The following EMSY variants were observed in gnomAD, a reference collection of about 807,000 sequenced individuals.
The protein encoded by EMSY is EMSY transcriptional repressor, BRCA2 interacting, also known as BRCA2-interacting transcriptional repressor EMSY.
A neutral mutation model predicts 134.6 loss-of-function variants in EMSY; 26 were observed. The observed-to-expected ratio is 0.19, with a 90% CI of 0.14 to 0.27. The LOEUF (loss-of-function observed/expected upper bound fraction) is 0.27, where lower values mean the gene tolerates loss of function less well. Among genes scored for constraint, EMSY ranks in the 10% least tolerant of loss-of-function variants. The pLI, the probability that EMSY is intolerant of heterozygous loss-of-function variation, is 1.00. For missense variants in EMSY, 1,305 were observed against 1,611.4 expected (o/e 0.81, Z 3.26); for synonymous variants, 579 against 577.8 (o/e 1.00, Z -0.03).
At chr11:76,471,392 T>C (rs757010000) in intron 7 of EMSY, among the ~76,000 whole-genome samples, 2 of 152,182 alleles carry the variant, frequency 1.3e-5, no homozygotes, top group Non-Finnish European at 2.9e-5. Flanking sequence ...TACATTGTTA[T>C]AGCTAATAAA....
chr11:76,521,909 T>TA (rs1326867938), intron 11 of EMSY, among the ~76,000 whole-genome samples: 1 of 151,712 alleles, frequency 6.6e-6, no homozygotes, highest in African/African-American at 2.4e-5. Flanking sequence ...CTTATCTCTA[T>TA]AAAAAATCAA....
chr11:76,488,696 C>T (rs535027354), intron 8 of EMSY, among the ~76,000 whole-genome samples: 2 of 152,158 alleles, frequency 1.3e-5, no homozygotes, highest in Non-Finnish European at 2.9e-5. Flanking sequence ...TCTCACAAAA[C>T]CAGAAGTCCA....
rs760127644 is a variant in EMSY at position 76,544,366 on chromosome 11, C to T, written c.2817C>T (p.Tyr939=). The change falls in exon 19 of 21, where the codon TAC becomes TAT. Residue 939 remains tyrosine, a synonymous_variant. Coordinates refer to ENST00000334736, the Ensembl canonical transcript of EMSY. ...TAGACCCTCAGACAGGTCTGTTTTA[C>T]CGATCTGCCCTGACTCAGTCACAGT... 3 of 1,614,150 alleles carry T rather than the reference C, an allele frequency of 1.9e-6. No individual in the cohort carries two copies. In the South Asian group the frequency reaches 3.3e-5, roughly 18 times the overall value.
Position 76,492,868 on chromosome 11 carries a change from G to T in EMSY, c.1109-3347G>T, listed in dbSNP as rs78820206. The stretch of plus-strand genomic sequence containing the variant: ...CTCAGGTGGAGTGAGAAGTTAACAG[G>T]GCTTTTTCTGGCCCGCCTGTGGCCA... On this transcript the variant is annotated intron_variant, in intron 8 of 20. Transcript: ENST00000334736. 4.8e-3 allele frequency among the ~76,000 whole-genome samples: 737 copies of T among 152,240 alleles called. 14 individuals are homozygous for T. In the East Asian group the frequency reaches 0.052, roughly 11 times the overall value.
chr11:76,448,722 C>T (rs772123137), intron 2 of EMSY, among the ~76,000 whole-genome samples: 35 of 151,870 alleles, frequency 2.3e-4, no homozygotes, highest in Non-Finnish European at 4.0e-4. Context: ...CCTCCCCACC[C>T]GTTGGCTTAT....
At chr11:76,520,729 A>G (rs1950610947) in intron 11 of EMSY, among the ~76,000 whole-genome samples, 1 of 152,190 alleles carries the variant, frequency 6.6e-6, no homozygotes, top group South Asian at 2.1e-4. Flanking sequence ...AAATTAACAT[A>G]TAACTAGAAT....
At chr11:76,471,296 C>T (rs897451180) in intron 7 of EMSY, among the ~76,000 whole-genome samples, 2 of 152,130 alleles carry the variant, frequency 1.3e-5, no homozygotes, top group African/African-American at 4.8e-5. Context: ...ATATACTCTG[C>T]ACCCAGTTTT....
At chr11:76,447,285 T>G (rs567243197) in intron 2 of EMSY, among the ~76,000 whole-genome samples, 12 of 152,218 alleles carry the variant, frequency 7.9e-5, no homozygotes, top group South Asian at 4.1e-4. Context: ...TTTAAATATT[T>G]TAAGAATTAG....
intron 17 of EMSY, among the ~76,000 whole-genome samples, chr11:76,540,269 C>G (rs1951383427): frequency 6.6e-6 from 1 of 151,948 alleles, no homozygotes; most frequent in Non-Finnish European, 1.5e-5. Flanking sequence ...TCATTCATTT[C>G]TGATGCTTTC....
intron 8 of EMSY, among the ~76,000 whole-genome samples, chr11:76,481,464 C>T (rs182348875): frequency 6.6e-6 from 1 of 152,140 alleles, no homozygotes; most frequent in Non-Finnish European, 1.5e-5. Context: ...AAATCCCAAC[C>T]CCATGGACGC....
intron 19 of EMSY, among the ~76,000 whole-genome samples, chr11:76,545,323 AATTAT>A (rs1340338397): frequency 1.3e-5 from 2 of 152,114 alleles, no homozygotes; most frequent in African/African-American, 4.8e-5. Context: ...TTGAAAGCAA[AATTAT>A]ATTAGCAAAA....
chr11:76,460,640 A>G (rs1226329668), intron 6 of EMSY: 1 of 150,788 alleles, frequency 6.6e-6, no homozygotes, highest in Non-Finnish European at 1.5e-5. Flanking sequence ...TTTTGTTTTT[A>G]ATTTCTGTTA....
intron 20 of EMSY, among the ~76,000 whole-genome samples, chr11:76,548,617 C>T (rs959573653): frequency 1.3e-5 from 2 of 152,134 alleles, no homozygotes; most frequent in African/African-American, 4.8e-5. Context: ...ACTCAGAGGC[C>T]CACAGCAAGC....
chr11:76,518,988 G>A (rs1301337087), intron 11 of EMSY, among the ~76,000 whole-genome samples: 2 of 150,676 alleles, frequency 1.3e-5, no homozygotes, highest in Non-Finnish European at 3.0e-5. Context: ...TGCTTCCAAA[G>A]TACTTTCTAG....
chr11:76,499,275 C>CTT lies in EMSY; in HGVS notation c.1363+2835_1363+2836dup, dbSNP rs777778051. ...TGCATCTGGCCAACCAATCTTATAACTTTTTTTTTTTTTTTTTTTTTTTTT... is the reference window on the plus strand; with the variant it reads ...TGCATCTGGCCAACCAATCTTATAACTTTTTTTTTTTTTTTTTTTTTTTTTTT... On this transcript the variant is annotated intron_variant, in intron 9 of 20. Coordinates refer to ENST00000334736, the Ensembl canonical transcript of EMSY. Among the ~76,000 whole-genome samples, 332 of 70,008 alleles carry CTT rather than the reference C, an allele frequency of 4.7e-3. 30 individuals are homozygous for CTT. Among genetic ancestry groups the CTT allele is most frequent in the East Asian group, 0.024 (54 of 2,246 alleles). The allele number at this position is 70,008 out of a possible 152,430, so 45.9% of individuals were successfully genotyped here. A position where few individuals can be genotyped will look rare whatever the true frequency, so the allele number is the denominator to read the frequency against.
At chr11:76,539,703 C>A in intron 17 of EMSY, 63 bp downstream of exon 18, 1 of 1,481,648 alleles carries the variant, frequency 6.7e-7, no homozygotes, top group Non-Finnish European at 9.4e-7. Context: ...TTGGGGGGAA[C>A]CGCTTAAATG....
chr11:76,478,737 T>A (rs186894201), intron 8 of EMSY, among the ~76,000 whole-genome samples: 65 of 151,766 alleles, frequency 4.3e-4, no homozygotes, highest in African/African-American at 1.4e-3. Context: ...CATTTTTCTA[T>A]AAATATCCTA....
At chr11:76,518,798 C>T (rs2136212647) in intron 11 of EMSY, among the ~76,000 whole-genome samples, 1 of 146,082 alleles carries the variant, frequency 6.8e-6, no homozygotes, top group African/African-American at 2.5e-5. Flanking sequence ...GTTTGACATG[C>T]CCCCCTCATA....
chr11:76,506,500 C>T (rs2508761), intron 9 of EMSY, among the ~76,000 whole-genome samples: 83,672 of 151,948 alleles, frequency 0.55, 24,084 homozygotes, highest in East Asian at 0.72. Context: ...TACCAATTAT[C>T]CTGACAGTGT....
Sources: allele counts gnomAD v4.1 joint callset (sites outside exome capture counted in the v4.1 genomes callset), GRCh38; gene constraint gnomAD v4.1.1; transcripts MANE v1.5; gene names NCBI Gene and HGNC (gene_info 2026-07-23, HGNC 2026-07-21).